The following PCDHGB5 variants were observed in gnomAD, a reference collection of about 807,000 sequenced individuals.
PCDHGB5 encodes protocadherin gamma subfamily B, 5.
Under a neutral mutation model 62.9 loss-of-function variants are expected in PCDHGB5, and 48 were observed. The ratio of observed to expected loss-of-function variants is 0.76; its 90% CI spans 0.61 to 0.97. The LOEUF is 0.97. PCDHGB5 is among the 50% of genes least tolerant of loss of function. PCDHGB5 has a pLI of 0.00. For synonymous variants in PCDHGB5, 474 were observed against 511.2 expected (o/e 0.93, Z 0.98); for missense variants, 1,118 against 1,198.6 (o/e 0.93, Z 0.99).
intron 1 of PCDHGB5, among the ~76,000 whole-genome samples, chr5:141,460,959 A>ATG (rs1248175237): frequency 7.9e-6 from 1 of 126,082 alleles, no homozygotes; most frequent in Non-Finnish European, 1.6e-5. Flanking sequence ...ATGTATATAT[A>ATG]TATGTGTGTG....
At chr5:141,433,422 A>G (rs1172678396) in intron 1 of PCDHGB5, among the ~76,000 whole-genome samples, 1 of 150,646 alleles carries the variant, frequency 6.6e-6, no homozygotes, top group Admixed American at 6.6e-5. Context: ...TCTTGTACAG[A>G]CAGGAGTCTC....
rs201006002 is a variant in PCDHGB5, at chr5:141,432,497, C to G, written c.2397+31973C>G. Reference sequence around the variant, plus strand: ...TTCCACTGGCGTGGAGCTGGCTCCCCGCTCCGCAGAGCCCGGCTACCTGGT... The same window carrying G: ...TTCCACTGGCGTGGAGCTGGCTCCCGGCTCCGCAGAGCCCGGCTACCTGGT... On this transcript the variant is annotated intron_variant, in intron 1 of 3. Transcript: ENST00000617380. This position sits in a 1 kb window ranked among gnomAD's most constrained non-coding sequence, Gnocchi z 6.0. The G allele has an allele frequency of 1.1e-5, 18 of 1,614,182 alleles. No homozygotes were observed. In the East Asian group the frequency reaches 4.0e-4, roughly 36 times the overall value.
At position 141,398,655 on chromosome 5, in the gene PCDHGB5, A is replaced by G. The variant is rs760602313; in HGVS notation, c.528A>G (p.Pro176=). The G allele has an allele frequency of 3.1e-6, 5 of 1,614,034 alleles. No individual in the cohort carries two copies. Among genetic ancestry groups the G allele is most frequent in the Non-Finnish European group, 4.2e-6 (5 of 1,179,888 alleles). Reference sequence around the variant, plus strand: ...AGAAGTATAAACTCTCTCTTAACCCAAGTTTCTCATTAATAATTAAGGAGA... The same window carrying G: ...AGAAGTATAAACTCTCTCTTAACCCGAGTTTCTCATTAATAATTAAGGAGA... ...SLQKYKLSLN[P]SFSLIIKEKQ... is the part of the protein sequence containing the mutation. Residue 176 remains proline, a synonymous_variant, in exon 1 of 4, where the codon CCA becomes CCG. Transcript: ENST00000617380.
Position 141,490,667 on chromosome 5 carries a change from T to C in PCDHGB5, c.2398-4140T>C, listed in dbSNP as rs906656199. The stretch of plus-strand genomic sequence containing the variant: ...CCTCCGGGCTCCCTTCTTTGCACTG[T>C]GGCTGCCTCAGATCCAGACACTGGG... On this transcript the variant is annotated intron_variant, in intron 1 of 3. Transcript: ENST00000617380. This position sits in a 1 kb window ranked among gnomAD's most constrained non-coding sequence, Gnocchi z 5.4. The C allele has an allele frequency of 6.8e-6, 11 of 1,614,206 alleles. 1 individual carries two copies. The highest frequency in any genetic ancestry group is 4.5e-5 in the East Asian group (2 of 44,876).
chr5:141,399,754 A>G lies in PCDHGB5; in HGVS notation c.1627A>G (p.Ser543Gly). 1 of 1,613,326 alleles carries G rather than the reference A, an allele frequency of 6.2e-7. No individual in the cohort carries two copies. The highest frequency in any genetic ancestry group is 8.5e-7 in the Non-Finnish European group (1 of 1,179,816). Residue 543 changes from serine (S) to glycine (G), a missense_variant, in exon 1 of 4, where the codon AGC becomes GGC. Around this residue, in one of 2 missense-constraint regions of PCDHGB5, gnomAD observed 1,034 missense variants for 1,029.1 expected, o/e 1.00. Coordinates refer to ENST00000617380, the MANE Select transcript of PCDHGB5 (RefSeq NM_018925.3). ...QGSPALSANV[S>G]LRVLVGDRND... is the part of the protein sequence containing the mutation. ...CTCGCCTGCGCTCAGCGCAAACGTG[A>G]GCCTGCGCGTGTTGGTGGGCGACCG...
At chr5:141,504,017 T>G (rs1186684262) in intron 2 of PCDHGB5, among the ~76,000 whole-genome samples, 1 of 152,150 alleles carries the variant, frequency 6.6e-6, no homozygotes, top group Non-Finnish European at 1.5e-5. Context: ...TCTCTGCTGG[T>G]CTCTTCCCAC....
At chr5:141,414,458 C>T (rs2095749873) in intron 1 of PCDHGB5, 9 of 1,613,698 alleles carry the variant, frequency 5.6e-6, no homozygotes, top group Non-Finnish European at 6.8e-6. Flanking sequence ...ACAGTGACAG[C>T]CACAGATGGG....
intron 1 of PCDHGB5, chr5:141,413,353 C>A (rs2095629361): frequency 6.2e-7 from 1 of 1,613,962 alleles, no homozygotes; most frequent in East Asian, 2.2e-5. Context: ...GGGTCTGGCG[C>A]CCCGGGAGCT....
intron 1 of PCDHGB5, among the ~76,000 whole-genome samples, chr5:141,453,067 C>T (rs1227122711): frequency 1.3e-5 from 2 of 152,024 alleles, no homozygotes; most frequent in Admixed American, 6.6e-5. Flanking sequence ...AGAGTTTTGC[C>T]ACACTCTGGT....
chr5:141,430,987 C>T (rs1171599563), intron 1 of PCDHGB5: 2 of 1,613,690 alleles, frequency 1.2e-6, no homozygotes, highest in African/African-American at 2.7e-5. Context: ...AGCTTTTCGC[C>T]CTGAATCCGC....
chr5:141,404,361 C>A, intron 1 of PCDHGB5: 3 of 1,613,956 alleles, frequency 1.9e-6, no homozygotes, highest in Non-Finnish European at 2.5e-6. Context: ...AGAGGTACTT[C>A]CATCTTCTCC....
intron 1 of PCDHGB5, chr5:141,404,552 G>A: frequency 6.2e-7 from 1 of 1,613,826 alleles, no homozygotes; most frequent in Non-Finnish European, 8.5e-7. Context: ...GCAGGTGACG[G>A]CAAGTGACAG....
At chr5:141,447,027 T>TG (rs563674341) in intron 1 of PCDHGB5, among the ~76,000 whole-genome samples, 103 of 152,252 alleles carry the variant, frequency 6.8e-4, no homozygotes, top group South Asian at 2.3e-3. Flanking sequence ...TGTTTTGTTT[T>TG]TTTTCTGTGT....
chr5:141,510,272 TAAA>T (rs546154379), intron 3 of PCDHGB5, among the ~76,000 whole-genome samples: 2 of 130,370 alleles, frequency 1.5e-5, no homozygotes, highest in Non-Finnish European at 3.3e-5. Context: ...GACTCCATCT[TAAA>T]AAAAAAAAAA....
In PCDHGB5 at chr5:141,399,531, G is replaced by A. The variant is rs771221717; in HGVS notation, c.1404G>A (p.Ala468=). Residue 468 remains alanine, a synonymous_variant, in exon 1 of 4, where the codon GCG becomes GCA. Transcript: ENST00000617380. ...ACAACCCTCCTGGGGCCTCCATCGCGCAAGTCTGCGCCTCGGACCTGGACT... is the reference window on the plus strand; with the variant it reads ...ACAACCCTCCTGGGGCCTCCATCGCACAAGTCTGCGCCTCGGACCTGGACT... The part of the protein sequence containing the change: ...PENNPPGASI[A]QVCASDLDLG... 2 of 1,614,052 alleles carry A rather than the reference G, an allele frequency of 1.2e-6. No homozygotes were observed. Among genetic ancestry groups the A allele is most frequent in the Non-Finnish European group, 1.7e-6 (2 of 1,179,900 alleles).
intron 1 of PCDHGB5, chr5:141,415,851 T>A: frequency 8.1e-7 from 1 of 1,228,614 alleles, no homozygotes; most frequent in Non-Finnish European, 1.1e-6. Flanking sequence ...TTGCAGAACC[T>A]TGTAGTTTAT....
At position 141,511,124 on chromosome 5, in the gene PCDHGB5, C is replaced by G; in HGVS notation, c.2723C>G (p.Ala908Gly). 1.9e-6 allele frequency: 3 copies of G among 1,614,206 alleles called. No individual in the cohort carries two copies. Among genetic ancestry groups the G allele is most frequent in the Non-Finnish European group, 2.5e-6 (3 of 1,180,022 alleles). The change falls in exon 4 of 4, where the codon GCA (alanine) becomes GGA (glycine). Residue 908 changes from alanine to glycine, a missense_variant. Transcript: ENST00000617380. ...AAGKRDGKAP[A>G]GGNGNKKKSG... ...GGCAAGCGGGATGGCAAGGCCCCAG[C>G]AGGTGGCAATGGCAACAAGAAGAAG...
At chr5:141,420,061 G>A (rs376044810) in intron 1 of PCDHGB5, 3 of 1,613,958 alleles carry the variant, frequency 1.9e-6, no homozygotes, top group Non-Finnish European at 2.5e-6. Flanking sequence ...TCTGCTCCAA[G>A]TCCGGACCTG....
At chr5:141,438,018 G>A (rs959672278) in intron 1 of PCDHGB5, among the ~76,000 whole-genome samples, 1 of 152,082 alleles carries the variant, frequency 6.6e-6, no homozygotes, top group African/African-American at 2.4e-5. Context: ...TGAGATTACA[G>A]GTGTGAGCCA....
Sources: allele counts gnomAD v4.1 joint callset (sites outside exome capture counted in the v4.1 genomes callset), GRCh38; gene constraint gnomAD v4.1.1; regional missense constraint gnomAD v4.1.1; non-coding constraint Gnocchi (gnomAD v3.1); transcripts MANE v1.5; gene names NCBI Gene and HGNC (gene_info 2026-07-23, HGNC 2026-07-21).